Variants in CATSPERT observed in about 807,000 individuals in gnomAD.
CATSPERT encodes the protein cation channel sperm-associated targeting subunit tau.
chr2:201,492,694 T>C, the CATSPERT span: 1 of 1,534,978 alleles, frequency 6.5e-7, no homozygotes, highest in Non-Finnish European at 8.7e-7. Context: ...GAAATGATGA[T>C]TGAAATTGTT....
the CATSPERT span, among the ~76,000 whole-genome samples, chr2:201,561,936 C>T: frequency 0.98 from 148,849 of 152,062 alleles, 72,908 homozygotes; most frequent in Non-Finnish European, 1. Context: ...CAGCCTCCTA[C>T]TTTTCTTATA....
At chr2:201,585,484 A>G in the CATSPERT span, among the ~76,000 whole-genome samples, 1 of 152,110 alleles carries the variant, frequency 6.6e-6, no homozygotes, top group South Asian at 2.1e-4. Flanking sequence ...AATTTTAAAT[A>G]AATAGTTCTG....
the CATSPERT span, among the ~76,000 whole-genome samples, chr2:201,592,680 A>T: frequency 6.6e-6 from 1 of 151,870 alleles, no homozygotes; most frequent in Non-Finnish European, 1.5e-5. Flanking sequence ...GTCTATTCAG[A>T]GATTCAACTT....
the CATSPERT span, among the ~76,000 whole-genome samples, chr2:201,510,287 TACA>T: frequency 7.0e-6 from 1 of 143,500 alleles, no homozygotes; most frequent in Non-Finnish European, 1.5e-5. Context: ...CTACTAAAAA[TACA>T]ACAATTAGCC....
chr2:201,507,648 A>C, the CATSPERT span, among the ~76,000 whole-genome samples: 1 of 152,228 alleles, frequency 6.6e-6, no homozygotes, highest in Non-Finnish European at 1.5e-5. Flanking sequence ...TCATGTACAT[A>C]AGGAAATTAG....
the CATSPERT span, among the ~76,000 whole-genome samples, chr2:201,565,005 A>T: frequency 8.2e-5 from 11 of 133,648 alleles, no homozygotes; most frequent in South Asian, 2.9e-3. Flanking sequence ...CAATTGATTT[A>T]ATGGCAGAAT....
the CATSPERT span, among the ~76,000 whole-genome samples, chr2:201,500,006 G>A: frequency 7.3e-5 from 11 of 151,564 alleles, no homozygotes; most frequent in South Asian, 2.3e-3. Context: ...GTAGTCTCTT[G>A]ATTCCTGTGA....
the CATSPERT span, chr2:201,604,775 T>A: frequency 1.9e-6 from 2 of 1,046,746 alleles, no homozygotes; most frequent in Non-Finnish European, 2.8e-6. Context: ...ATAATTATTG[T>A]ATGAATCTCT....
chr2:201,578,378 T>C, the CATSPERT span, among the ~76,000 whole-genome samples: 1 of 152,122 alleles, frequency 6.6e-6, no homozygotes, highest in Non-Finnish European at 1.5e-5. Context: ...GGTTGTCATA[T>C]GCATTACCTC....
At chr2:201,537,562 CA>C in the CATSPERT span, 1 of 1,104,842 alleles carries the variant, frequency 9.1e-7, no homozygotes, top group Non-Finnish European at 1.3e-6. Flanking sequence ...AATACTATTA[CA>C]TTTTTTCTCA....
At chr2:201,597,325 T>C in the CATSPERT span, among the ~76,000 whole-genome samples, 3 of 152,218 alleles carry the variant, frequency 2.0e-5, no homozygotes, top group African/African-American at 7.2e-5. Flanking sequence ...TCTCTGTAGT[T>C]TCTCCTGGAG....
the CATSPERT span, among the ~76,000 whole-genome samples, chr2:201,599,657 T>C: frequency 6.6e-6 from 1 of 152,184 alleles, no homozygotes; most frequent in Non-Finnish European, 1.5e-5. Context: ...TCTGTGTAAT[T>C]ATTAAGTCAT....
chr2:201,518,341 G>C, the CATSPERT span, among the ~76,000 whole-genome samples: 32 of 152,316 alleles, frequency 2.1e-4, no homozygotes, highest in African/African-American at 7.2e-4. Flanking sequence ...AATTTTGTCA[G>C]GGCTTATGAG....
the CATSPERT span, among the ~76,000 whole-genome samples, chr2:201,507,172 T>C: frequency 6.6e-6 from 1 of 152,180 alleles, no homozygotes; most frequent in Non-Finnish European, 1.5e-5. Context: ...TTTAGCAAAG[T>C]GAACCAATAT....
At chr2:201,495,959 GA>G in the CATSPERT span, 4 of 1,583,730 alleles carry the variant, frequency 2.5e-6, no homozygotes, top group South Asian at 2.3e-5. Context: ...TTCTTTTGGT[GA>G]AAAAGCCACC....
the CATSPERT span, among the ~76,000 whole-genome samples, chr2:201,605,495 G>A: frequency 6.6e-6 from 1 of 152,106 alleles, no homozygotes; most frequent in Non-Finnish European, 1.5e-5. Flanking sequence ...GAGAACAACA[G>A]GTTATGCCCC....
At chr2:201,560,861 C>A in the CATSPERT span, among the ~76,000 whole-genome samples, 1 of 151,878 alleles carries the variant, frequency 6.6e-6, no homozygotes, top group Admixed American at 6.6e-5. Flanking sequence ...CAGCTCACTG[C>A]AACCTCTGCC....
chr2:201,566,295 G>A, the CATSPERT span, among the ~76,000 whole-genome samples: 1 of 150,372 alleles, frequency 6.7e-6, no homozygotes, highest in Non-Finnish European at 1.5e-5. Flanking sequence ...GCCATGTTGT[G>A]TGCTGCACCC....
chr2:201,494,880 C>T, the CATSPERT span: 3 of 856,214 alleles, frequency 3.5e-6, no homozygotes. Context: ...CTACCCTCCA[C>T]AAAGGGAGAA....
Sources: allele counts gnomAD v4.1 joint callset (sites outside exome capture counted in the v4.1 genomes callset), GRCh38; gene constraint gnomAD v4.1.1; transcripts MANE v1.5; gene names NCBI Gene and HGNC (gene_info 2026-07-23, HGNC 2026-07-21).